The following HEATR9 variants were observed in gnomAD, a reference collection of about 807,000 sequenced individuals.
HEATR9 encodes the protein HEAT repeat containing 9, also known as protein HEATR9.
A neutral mutation model predicts 68.2 loss-of-function variants in HEATR9; 54 were observed. The ratio of observed to expected loss-of-function variants is 0.79; its 90% CI spans 0.64 to 0.99. The LOEUF is 0.99. Ranked by LOEUF, HEATR9 falls within the 50% of genes least tolerant of loss-of-function variation. HEATR9 has a pLI of 0.00. For synonymous variants in HEATR9, 241 were observed against 253.5 expected, an observed-to-expected ratio of 0.95 and a Z score of 0.47; for missense variants, 662 against 679.7, an observed-to-expected ratio of 0.97 and a Z score of 0.29.
chr17:35,855,292 C>CT lies in HEATR9; in HGVS notation c.1483dup (p.Arg495LysfsTer7). On this transcript the variant is annotated frameshift_variant, in exon 15 of 15. Coordinates refer to ENST00000604834, the MANE Select transcript of HEATR9 (RefSeq NM_152781.4). LOFTEE classifies it low-confidence loss of function (END_TRUNC). ...TGGGTTCTCAGGCTCTTTCTGGAACCTTGTGGGCTCTGCCTTCACATTGGT... is the reference window on the plus strand; with the variant it reads ...TGGGTTCTCAGGCTCTTTCTGGAACCTTTGTGGGCTCTGCCTTCACATTGGT... 6.2e-7 allele frequency: 1 copy of CT among 1,614,188 alleles called. No homozygotes were observed. Among genetic ancestry groups the CT allele is most frequent in the Non-Finnish European group, 8.5e-7 (1 of 1,180,008 alleles).
chr17:35,864,687 A>G, intron 4 of HEATR9, 71 bp downstream of exon 4: 1 of 1,603,874 alleles, frequency 6.2e-7, no homozygotes, highest in Admixed American at 1.7e-5. Context: ...GGGCTGAAGG[A>G]TGGTGTGAGC....
intron 5 of HEATR9, 26 bp downstream of exon 5, chr17:35,864,471 C>T: frequency 1.2e-6 from 2 of 1,609,560 alleles, no homozygotes; most frequent in East Asian, 2.2e-5. Flanking sequence ...CTGTAACCAC[C>T]CTCCTCTATC....
In HEATR9 at chr17:35,865,275, T is replaced by C; in HGVS notation, c.260A>G (p.Tyr87Cys). The change falls in exon 3 of 15, where the codon TAT becomes TGT. Residue 87 changes from tyrosine to cysteine, a missense_variant. Tyr to Cys is a radical substitution (Grantham distance 194). Transcript: ENST00000604834. ...AGCCTCCCTTTCCTCTCGCTGATCA[T>C]ACAGGTCGTGCCAGTGCGTGTAGAT... ...PEIYTHWHDL[Y>C]DQREEREAEK... 6.2e-7 allele frequency: 1 copy of C among 1,614,082 alleles called. No individual in the cohort carries two copies. Among genetic ancestry groups the C allele is most frequent in the African/African-American group, 1.3e-5 (1 of 75,012 alleles).
At chr17:35,861,951 T>G (rs529795206) in intron 8 of HEATR9, among the ~76,000 whole-genome samples, 8 of 152,054 alleles carry the variant, frequency 5.3e-5, no homozygotes, top group African/African-American at 1.9e-4. Flanking sequence ...CTCTGCCTCC[T>G]GGGTTCAAGC....
Position 35,864,555 on chromosome 17 carries a change from T to G in HEATR9, c.454-2A>C, listed in dbSNP as rs762600417. The G allele has an allele frequency of 6.2e-7, 1 of 1,613,300 alleles. No individual in the cohort carries two copies. Among genetic ancestry groups the G allele is most frequent in the Non-Finnish European group, 8.5e-7 (1 of 1,179,830 alleles). ...AGATTCCAGGCTTTTTGTGAGTTCC[T>G]GCCCATCCAAGGCAGCCAGTGGAAA... On this transcript the variant is annotated splice_acceptor_variant, in intron 4 of 14. Transcript: ENST00000604834. LOFTEE classifies it high-confidence loss of function.
chr17:35,864,657 G>A, intron 4 of HEATR9, 101 bp downstream of exon 4: 1 of 1,589,856 alleles, frequency 6.3e-7, no homozygotes, highest in Non-Finnish European at 8.6e-7. Context: ...CCCTACCTCT[G>A]TTTTTCAGGC....
chr17:35,863,862 GTGT>G (rs1436283897), intron 6 of HEATR9: 3 of 553,244 alleles, frequency 5.4e-6, no homozygotes, highest in Admixed American at 3.2e-5. Flanking sequence ...CTAATTCCTG[GTGT>G]TGTTGTAAGA....
intron 9 of HEATR9, 104 bp from the exon 10 acceptor site, chr17:35,858,629 T>G: frequency 1.9e-6 from 2 of 1,077,798 alleles, no homozygotes; most frequent in Non-Finnish European, 2.7e-6. Context: ...ACAGCTAAGG[T>G]CCTTTTTTCT....
rs1241330308 is a variant in HEATR9 at position 35,855,426 on chromosome 17, G to T, written c.1366-16C>A. On this transcript the variant is annotated splice_polypyrimidine_tract_variant and intron_variant, in intron 14 of 14. Transcript: ENST00000604834. ...TTTCTTGTAGCTGCATTGAAACAAA[G>T]GTCCTAGTGCTGGCTCACTTTGGGT... is the stretch of plus-strand genomic sequence containing the variant. 3 of 1,603,874 alleles carry T rather than the reference G, an allele frequency of 1.9e-6. No homozygotes were observed. Among genetic ancestry groups the T allele is most frequent in the African/African-American group, 1.3e-5 (1 of 74,644 alleles).
intron 1 of HEATR9, among the ~76,000 whole-genome samples, chr17:35,867,254 C>T (rs977353286): frequency 6.6e-6 from 1 of 151,672 alleles, no homozygotes; most frequent in Admixed American, 6.6e-5. Context: ...GAGCGAGACT[C>T]CGTCTCAAAA....
At chr17:35,855,791 A>G (rs1287829805) in intron 13 of HEATR9, 41 bp from the exon 14 acceptor site, 2 of 1,513,992 alleles carry the variant, frequency 1.3e-6, no homozygotes, top group African/African-American at 1.4e-5. Flanking sequence ...AGCCAGCCCC[A>G]GGAAGACACC....
At chr17:35,864,410 A>G in intron 5 of HEATR9, 87 bp downstream of exon 5, 2 of 1,540,600 alleles carry the variant, frequency 1.3e-6, no homozygotes, top group Non-Finnish European at 1.8e-6. Flanking sequence ...CATCCCCACA[A>G]CCACCATCAC....
At position 35,864,196 on chromosome 17, in the gene HEATR9, C is replaced by T. The variant is rs764235484; in HGVS notation, c.567+50G>A. The T allele has an allele frequency of 2.0e-6, 3 of 1,514,984 alleles. No individual in the cohort carries two copies. The East Asian group carries it at 6.8e-5, about 34-fold the overall frequency. The allele number at this position is 1,514,984 out of a possible 1,614,324, so 93.8% of individuals were successfully genotyped here. On this transcript the variant is annotated intron_variant, in intron 6 of 14. Coordinates refer to ENST00000604834, the MANE Select transcript of HEATR9 (RefSeq NM_152781.4). ...TCGTCTGTGCCCACATGCCACACAT[C>T]TCAGACCCTGTTTCCTTCTTTCCTG...
intron 1 of HEATR9, chr17:35,868,428 G>T: frequency 3.0e-6 from 2 of 659,026 alleles, no homozygotes; most frequent in Non-Finnish European, 4.8e-6. Flanking sequence ...GGGAGCAGAA[G>T]CTGGGGAGAC....
At chr17:35,860,010 A>C (rs2143913801) in intron 8 of HEATR9, among the ~76,000 whole-genome samples, 1 of 152,316 alleles carries the variant, frequency 6.6e-6, no homozygotes, top group Admixed American at 6.5e-5. Context: ...CTACTTGTTA[A>C]CTATAGACTA....
In HEATR9 at chr17:35,868,667, C is replaced by G; in HGVS notation, c.76G>C (p.Asp26His). The G allele has an allele frequency of 1.2e-6, 2 of 1,614,170 alleles. No individual in the cohort carries two copies. The highest frequency in any genetic ancestry group is 1.6e-4 in the Middle Eastern group (1 of 6,062). The change falls in exon 1 of 15, where the codon GAC (aspartate) becomes CAC (histidine). Residue 26 changes from aspartate to histidine, a missense_variant. Transcript: ENST00000604834. ...MFLYPWLEYP[D>H]KTKELRKAMA... The stretch of plus-strand genomic sequence containing the variant: ...ATCCCAGCCTCACCTTTGGTCTTGT[C>G]TGGATATTCCAGCCATGGGTACAGG...
intron 8 of HEATR9, chr17:35,861,320 G>T: frequency 1.4e-6 from 2 of 1,412,654 alleles, no homozygotes; most frequent in Non-Finnish European, 2.0e-6. Flanking sequence ...CATAGCTCTT[G>T]CTAGTATTTG....
At chr17:35,857,836 A>T (rs1036730092) in intron 11 of HEATR9, among the ~76,000 whole-genome samples, 2 of 152,202 alleles carry the variant, frequency 1.3e-5, no homozygotes, top group Non-Finnish European at 2.9e-5. Context: ...ACATAGAGGA[A>T]GGTAGGGTTA....
At chr17:35,866,962 CATT>C (rs1418791941) in intron 1 of HEATR9, among the ~76,000 whole-genome samples, 189 bp from the exon 2 acceptor site, 1 of 151,668 alleles carries the variant, frequency 6.6e-6, no homozygotes, top group Admixed American at 6.6e-5. Context: ...ACAAAAAAAA[CATT>C]AGCCAGCCAG....
Sources: gnomAD v4.1 joint callset for allele counts (sites outside exome capture counted in the v4.1 genomes callset) on GRCh38, gnomAD v4.1.1 for gene constraint, MANE v1.5 for transcripts, NCBI Gene and HGNC (gene_info 2026-07-23, HGNC 2026-07-21) for gene names.